The following HABP2 variants were observed in gnomAD, a reference collection of about 807,000 sequenced individuals.
HABP2 encodes the protein factor VII-activating protease.
Under a neutral mutation model 66.5 loss-of-function variants are expected in HABP2, and 65 were observed. The observed-to-expected ratio is 0.98, with a 90% confidence interval of 0.80 to 1.20. The LOEUF (loss-of-function observed/expected upper bound fraction) is 1.20. Among genes scored for constraint, HABP2 ranks in the 50% most tolerant of loss-of-function variants. The pLI is 0.00. For synonymous variants in HABP2, 263 were observed against 253.9 expected, an observed-to-expected ratio of 1.04 and a Z score of -0.34; for missense variants, 786 against 691.0, an observed-to-expected ratio of 1.14 and a Z score of -1.54.
rs778461056 is a variant in HABP2, at chr10:113,582,038, C to T, written c.1001C>T (p.Ser334Leu). ...CCATGGCAGGCGTCCCTCCAGTCCT[C>T]GCTGCCTCTGACCATCTCCATGCCC... ...KHPWQASLQS[S>L]LPLTISMPQG... Residue 334 changes from serine (S) to leucine (L), a missense_variant, in exon 9 of 13, where the codon TCG becomes TTG. Transcript: ENST00000351270. The T allele has an allele frequency of 1.2e-5, 19 of 1,613,860 alleles. 1 individual carries two copies. The highest frequency in any genetic ancestry group is 6.6e-5 in the South Asian group (6 of 91,092).
At chr10:113,557,567 C>T (rs1015050242) in intron 1 of HABP2, among the ~76,000 whole-genome samples, 1 of 152,108 alleles carries the variant, frequency 6.6e-6, no homozygotes, top group Non-Finnish European at 1.5e-5. Flanking sequence ...TGGCTTAGGA[C>T]TTGGCAACGA....
chr10:113,581,208 C>G (rs1048781759), intron 8 of HABP2, among the ~76,000 whole-genome samples: 1 of 152,206 alleles, frequency 6.6e-6, no homozygotes, highest in African/African-American at 2.4e-5. Flanking sequence ...TTACTTCTGT[C>G]TATAACATAC....
intron 2 of HABP2, among the ~76,000 whole-genome samples, chr10:113,573,497 C>T (rs1489249606): frequency 2.0e-5 from 3 of 152,198 alleles, no homozygotes; most frequent in Non-Finnish European, 4.4e-5. Flanking sequence ...CAGTTGAGTG[C>T]TACAGTTGAG....
intron 2 of HABP2, among the ~76,000 whole-genome samples, chr10:113,568,542 T>C (rs1845243508): frequency 6.6e-6 from 1 of 152,108 alleles, no homozygotes; most frequent in South Asian, 2.1e-4. Context: ...ATTGGCATGG[T>C]GTGTGGGGTT....
chr10:113,572,954 TAA>T (rs957041978), intron 2 of HABP2, among the ~76,000 whole-genome samples: 3 of 152,196 alleles, frequency 2.0e-5, no homozygotes, highest in South Asian at 2.1e-4. Flanking sequence ...GCCAGAGAGA[TAA>T]AGACTCTAAC....
At chr10:113,580,073 C>T (rs903831382) in intron 7 of HABP2, among the ~76,000 whole-genome samples, 2 of 151,900 alleles carry the variant, frequency 1.3e-5, no homozygotes, top group African/African-American at 4.8e-5. Context: ...AGCCACTGCA[C>T]CCGGCCATGA....
intron 2 of HABP2, among the ~76,000 whole-genome samples, chr10:113,570,725 G>A (rs1845291476): frequency 6.6e-6 from 1 of 152,224 alleles, no homozygotes; most frequent in African/African-American, 2.4e-5. Context: ...GCTTTAAGCA[G>A]ACACCATTTT....
Position 113,581,971 on chromosome 10 carries a change from A to T in HABP2, c.934A>T (p.Lys312Ter). 1 of 1,614,224 alleles carries T rather than the reference A, an allele frequency of 6.2e-7. No homozygotes were observed. Among genetic ancestry groups the T allele is most frequent in the East Asian group, 2.2e-5 (1 of 44,884 alleles). ...GACTGAGATAGCAGAGAGGAAGATC[A>T]AGAGAATCTATGGAGGCTTTAAGAG... is the stretch of plus-strand genomic sequence containing the variant. ...GKTEIAERKI[K>*]RIYGGFKSTA... The change falls in exon 9 of 13, where the codon AAG (lysine) becomes TAG (stop). Residue 312 changes from lysine to a stop codon, truncating the protein, a stop_gained. Transcript: ENST00000351270. LOFTEE classifies it high-confidence loss of function.
In HABP2 at chr10:113,557,835, C is replaced by G. The variant is rs1845025953; in HGVS notation, c.69+4645C>G. 2.0e-5 allele frequency among the ~76,000 whole-genome samples: 3 copies of G among 152,214 alleles called. No individual in the cohort carries two copies. The South Asian group carries it at 6.2e-4, about 32-fold the overall frequency. On this transcript the variant is annotated intron_variant, in intron 1 of 12. Transcript: ENST00000351270. ...ATGTGGCATGCTTTATGTTTATTAT[C>G]TCATTTAAGCTTCTCTCAAACCCTA... is the stretch of plus-strand genomic sequence containing the variant.
chr10:113,553,995 T>C (rs1268751716), intron 1 of HABP2, among the ~76,000 whole-genome samples: 2 of 152,220 alleles, frequency 1.3e-5, no homozygotes, highest in East Asian at 1.9e-4. Context: ...GGCATGAATG[T>C]GGGCTTTGGA....
intron 10 of HABP2, 106 bp downstream of exon 10, chr10:113,583,464 G>T: frequency 1.0e-6 from 1 of 996,420 alleles, no homozygotes; most frequent in Non-Finnish European, 1.6e-6. Flanking sequence ...ATTGTTTTTG[G>T]TCCCTGTGGA....
intron 9 of HABP2, among the ~76,000 whole-genome samples, chr10:113,582,805 G>A (rs536046484): frequency 6.6e-6 from 1 of 152,280 alleles, no homozygotes; most frequent in South Asian, 2.1e-4. Flanking sequence ...AACAAAGTCT[G>A]GGTTTTGGAG....
rs775232746 is a variant in HABP2 at position 113,577,242 on chromosome 10, T to A, written c.424T>A (p.Tyr142Asn). 3 of 1,602,492 alleles carry A rather than the reference T, an allele frequency of 1.9e-6. No homozygotes were observed. In the Admixed American group the frequency reaches 5.0e-5, roughly 27 times the overall value. ...CTACCGCTGTGTCTGTAAACACCCT[T>A]ACACAGGTCCCAGCTGCTCCCAAGG... ...PYYRCVCKHPYTGPSCSQVVP... is the reference protein window; with the variant it reads ...PYYRCVCKHPNTGPSCSQVVP... Residue 142 changes from tyrosine (Y) to asparagine (N), a missense_variant, in exon 5 of 13, where the codon TAC becomes AAC. Physicochemically the swap from Tyr to Asn is moderately radical, Grantham distance 143 (BLOSUM62 -2). Transcript: ENST00000351270.
In HABP2 at chr10:113,588,732, A is replaced by ACAT. The variant is rs900871602; in HGVS notation, c.*365_*367dup. The ACAT allele has an allele frequency of 9.2e-5, 51 of 554,938 alleles. No homozygotes were observed. Among genetic ancestry groups the ACAT allele is most frequent in the African/African-American group, 8.3e-4 (44 of 53,328 alleles). The allele number at this position is 554,938 out of a possible 1,614,324, so 34.4% of individuals were successfully genotyped here. On this transcript the variant is annotated 3_prime_UTR_variant, in exon 13 of 13. Transcript: ENST00000351270. Reference sequence around the variant, plus strand: ...CCCAGCATCAGCGGGAACCACCATCACATCTTTATTCCTCAGCCCAGACAC... The same window carrying ACAT: ...CCCAGCATCAGCGGGAACCACCATCACATCATCTTTATTCCTCAGCCCAGACAC...
At chr10:113,585,769 C>A (rs377240646) in intron 11 of HABP2, 24 bp from the exon 12 acceptor site, 11 of 1,608,044 alleles carry the variant, frequency 6.8e-6, no homozygotes, top group Non-Finnish European at 8.5e-6. Context: ...AGTAGTGACT[C>A]TTTTCTCTGC....
rs764882534 is a variant in HABP2 at position 113,582,098 on chromosome 10, C to A, written c.1061C>A (p.Pro354His). 14 of 1,609,884 alleles carry A rather than the reference C, an allele frequency of 8.7e-6. No homozygotes were observed. The highest frequency in any genetic ancestry group is 1.2e-5 in the Non-Finnish European group (14 of 1,179,788). ...GHFCGGALIH[P>H]CWVLTAAHCT... is the part of the protein sequence containing the mutation. ...TTCTGTGGTGGGGCGCTGATCCACC[C>A]CTGCTGGGTGCTCACTGCTGCCCAC... is the stretch of plus-strand genomic sequence containing the variant. The change falls in exon 9 of 13, where the codon CCC becomes CAC. Residue 354 changes from proline to histidine, a missense_variant. Transcript: ENST00000351270.
At chr10:113,579,256 A>G (rs1327714633) in intron 7 of HABP2, among the ~76,000 whole-genome samples, 2 of 141,978 alleles carry the variant, frequency 1.4e-5, no homozygotes, top group Non-Finnish European at 3.1e-5. Context: ...TCAAAAAAAG[A>G]AAAAAAAAAA....
chr10:113,573,807 A>G (rs2133766888), intron 2 of HABP2, among the ~76,000 whole-genome samples: 1 of 152,344 alleles, frequency 6.6e-6, no homozygotes, highest in East Asian at 1.9e-4. Context: ...GATTTCATTC[A>G]GCTTGGTGAC....
At chr10:113,554,483 AG>A (rs1228310519) in intron 1 of HABP2, among the ~76,000 whole-genome samples, 3 of 152,182 alleles carry the variant, frequency 2.0e-5, no homozygotes, top group Non-Finnish European at 4.4e-5. Context: ...TAAGTTGCCA[AG>A]TGACTCACTT....
Sources: gnomAD v4.1 joint callset for allele counts (sites outside exome capture counted in the v4.1 genomes callset) on GRCh38, gnomAD v4.1.1 for gene constraint, MANE v1.5 for transcripts, NCBI Gene and HGNC (gene_info 2026-07-23, HGNC 2026-07-21) for gene names.